Variants in PDE1A observed in about 807,000 individuals in gnomAD.
The protein encoded by PDE1A is dual specificity calcium/calmodulin-dependent 3',5'-cyclic nucleotide phosphodiesterase 1A.
In PDE1A, 35 loss-of-function variants were observed where a neutral mutation model predicts 61.7. The observed-to-expected ratio is 0.57, with a 90% CI of 0.43 to 0.75. The LOEUF is 0.75. Among genes scored for constraint, PDE1A ranks in the 30% least tolerant of loss-of-function variants. The pLI is 0.00. For synonymous variants in PDE1A, 232 were observed against 213.2 expected (o/e 1.09, Z -0.77); for missense variants, 597 against 630.6 (o/e 0.95, Z 0.57).
chr2:182,190,752 T>C (rs1272409284), intron 10 of PDE1A, among the ~76,000 whole-genome samples: 1 of 152,070 alleles, frequency 6.6e-6, no homozygotes, highest in African/African-American at 2.4e-5. Flanking sequence ...AGTCAGGAGA[T>C]TGAGACCATC....
intron 1 of PDE1A, among the ~76,000 whole-genome samples, chr2:182,397,847 C>T (rs1056406081): frequency 2.0e-4 from 31 of 152,016 alleles, no homozygotes; most frequent in South Asian, 6.2e-4. Flanking sequence ...ATTGAATGAA[C>T]GGATGCTAGA....
chr2:182,412,791 C>A (rs927625038), intron 1 of PDE1A, among the ~76,000 whole-genome samples: 4 of 152,098 alleles, frequency 2.6e-5, no homozygotes, highest in African/African-American at 7.2e-5. Context: ...ATGACAGGGT[C>A]TTAGCCATCA....
At chr2:182,618,881 CAAAG>C in the PDE1A span, among the ~76,000 whole-genome samples, 2 of 152,088 alleles carry the variant, frequency 1.3e-5, no homozygotes, top group South Asian at 2.1e-4. Context: ...AAGACAACCT[CAAAG>C]AAAGTCTCTG....
At chr2:182,295,005 T>G (rs1694779260) in intron 1 of PDE1A, among the ~76,000 whole-genome samples, 1 of 151,394 alleles carries the variant, frequency 6.6e-6, no homozygotes, top group Non-Finnish European at 1.5e-5. Flanking sequence ...GGTAACTTGG[T>G]TAAGTCTCCG....
chr2:182,377,757 T>A lies in PDE1A; in HGVS notation c.53+48821A>T, dbSNP rs141112490. 1.2e-4 allele frequency among the ~76,000 whole-genome samples: 19 copies of A among 152,228 alleles called. No homozygotes were observed. In the East Asian group the frequency reaches 3.7e-3, roughly 29 times the overall value. ...AATATGTTCATAGTAGCTTTATTCA[T>A]AACAATCCCAACATGAAAATAAACC... is the stretch of plus-strand genomic sequence containing the variant. On this transcript the variant is annotated intron_variant, in intron 1 of 13. Transcript: ENST00000351439.
At chr2:182,347,188 T>C (rs903920904) in intron 1 of PDE1A, among the ~76,000 whole-genome samples, 1 of 151,982 alleles carries the variant, frequency 6.6e-6, no homozygotes, top group Non-Finnish European at 1.5e-5. Flanking sequence ...TTGATTTAAA[T>C]CCTGATCAGA....
chr2:182,587,504 A>G, the PDE1A span, among the ~76,000 whole-genome samples: 1 of 152,352 alleles, frequency 6.6e-6, no homozygotes, highest in Admixed American at 6.5e-5. Context: ...ATTTTTCACT[A>G]TTGCACAAAT....
the PDE1A span, among the ~76,000 whole-genome samples, chr2:182,648,652 A>T: frequency 6.6e-6 from 1 of 151,344 alleles, no homozygotes; most frequent in Non-Finnish European, 1.5e-5. Context: ...AGTGAGTCAT[A>T]ATCATGTTAC....
chr2:182,255,856 C>T (rs1691742077), intron 2 of PDE1A, among the ~76,000 whole-genome samples: 1 of 151,494 alleles, frequency 6.6e-6, no homozygotes, highest in East Asian at 1.9e-4. Context: ...GGGAGTTTCA[C>T]CATATTGGCC....
chr2:182,238,446 G>C (rs371368688), intron 3 of PDE1A, among the ~76,000 whole-genome samples: 1 of 152,076 alleles, frequency 6.6e-6, no homozygotes, highest in Non-Finnish European at 1.5e-5. Context: ...GTGGTTGCAG[G>C]AGTGGAGATG....
chr2:182,615,824 A>G, the PDE1A span, among the ~76,000 whole-genome samples: 1 of 152,098 alleles, frequency 6.6e-6, no homozygotes, highest in South Asian at 2.1e-4. Context: ...GAGGGACTCA[A>G]ACTCATCCTT....
At chr2:182,444,327 T>C (rs147971500) in intron 2 of PDE1A, among the ~76,000 whole-genome samples, 1,986 of 152,298 alleles carry the variant, frequency 0.013, 28 homozygotes, top group South Asian at 0.047. Context: ...ACATCTGAGA[T>C]AGATGTCCCT....
At chr2:182,646,695 A>AG in the PDE1A span, among the ~76,000 whole-genome samples, 1 of 152,262 alleles carries the variant, frequency 6.6e-6, no homozygotes, top group East Asian at 1.9e-4. Flanking sequence ...GAAAAAAAAA[A>AG]AAAGAATTAA....
At chr2:182,411,739 G>A (rs1257387562) in intron 1 of PDE1A, among the ~76,000 whole-genome samples, 1 of 152,088 alleles carries the variant, frequency 6.6e-6, no homozygotes, top group Non-Finnish European at 1.5e-5. Context: ...GGAATCTTGT[G>A]GGTAGAGACC....
intron 2 of PDE1A, among the ~76,000 whole-genome samples, chr2:182,477,524 C>A (rs1687443303): frequency 6.6e-6 from 1 of 151,870 alleles, no homozygotes; most frequent in African/African-American, 2.4e-5. Context: ...GTGTGCTTGG[C>A]TTCAAAGACA....
At chr2:182,389,487 A>T (rs1218407354) in intron 1 of PDE1A, among the ~76,000 whole-genome samples, 2 of 152,200 alleles carry the variant, frequency 1.3e-5, no homozygotes, top group Non-Finnish European at 1.5e-5. Flanking sequence ...GTGATATATT[A>T]AAAAAATACT....
chr2:182,665,036 T>A, the PDE1A span, among the ~76,000 whole-genome samples: 6 of 152,192 alleles, frequency 3.9e-5, no homozygotes, highest in Non-Finnish European at 7.3e-5. Context: ...TTCTTGAAAA[T>A]TTTTAATCAA....
chr2:182,613,800 C>T, the PDE1A span, among the ~76,000 whole-genome samples: 1 of 152,088 alleles, frequency 6.6e-6, no homozygotes, highest in Admixed American at 6.5e-5. Flanking sequence ...CCAAGGTATT[C>T]CAAGGATTGC....
At chr2:182,441,290 A>T (rs903474005) in intron 2 of PDE1A, among the ~76,000 whole-genome samples, 2 of 152,092 alleles carry the variant, frequency 1.3e-5, no homozygotes, top group African/African-American at 2.4e-5. Context: ...TTGGGTGGGG[A>T]CAAAGCCAAA....
Sources: gnomAD v4.1 joint callset for allele counts (sites outside exome capture counted in the v4.1 genomes callset) on GRCh38, gnomAD v4.1.1 for gene constraint, MANE v1.5 for transcripts, NCBI Gene and HGNC (gene_info 2026-07-23, HGNC 2026-07-21) for gene names.